Variants in MET observed in about 807,000 individuals in gnomAD.
MET encodes the protein MET proto-oncogene, receptor tyrosine kinase.
Under a neutral mutation model 133.1 loss-of-function variants are expected in MET, and 48 were observed. The ratio of observed to expected loss-of-function variants is 0.36; its 90% CI spans 0.29 to 0.46. MET has a LOEUF of 0.46. Ranked by LOEUF, MET falls within the 20% of genes least tolerant of loss-of-function variation. The probability of loss-of-function intolerance (pLI) is 1.00; values close to 1 mark genes in which losing one functional copy is unlikely to be tolerated. For synonymous variants in MET, 628 were observed against 616.5 expected (o/e 1.02, Z -0.28); for missense variants, 1,442 against 1,695.9 (o/e 0.85, Z 2.63).
intron 1 of MET, among the ~76,000 whole-genome samples, chr7:116,678,364 C>G (rs1312596041): frequency 6.6e-6 from 1 of 152,064 alleles, no homozygotes; most frequent in Non-Finnish European, 1.5e-5. Context: ...TTGAAATGGT[C>G]TCCTACTCCT....
At chr7:116,754,474 A>C (rs749934142) in intron 5 of MET, among the ~76,000 whole-genome samples, 10 of 152,136 alleles carry the variant, frequency 6.6e-5, no homozygotes, top group Admixed American at 5.9e-4. Context: ...TCTGGGCCCA[A>C]CGTGTTTCTA....
intron 1 of MET, among the ~76,000 whole-genome samples, chr7:116,690,311 A>G (rs945297815): frequency 3.3e-5 from 5 of 152,168 alleles, no homozygotes; most frequent in Non-Finnish European, 5.9e-5. Flanking sequence ...TTTTGAATAT[A>G]AGAAACTGAC....
intron 2 of MET, among the ~76,000 whole-genome samples, chr7:116,710,068 G>A (rs1011093720): frequency 1.3e-5 from 2 of 152,146 alleles, no homozygotes; most frequent in Non-Finnish European, 2.9e-5. Flanking sequence ...TATTTCTAAT[G>A]TGAAAAACAC....
chr7:116,775,030 C>A lies in MET; in HGVS notation c.3178C>A (p.Pro1060Thr), dbSNP rs2117031380. The change falls in exon 15 of 21, where the codon CCA becomes ACA. Residue 1060 changes from proline to threonine, a missense_variant. Pro to Thr is a conservative substitution (Grantham distance 38). Around this residue, in one of 6 missense-constraint regions of MET, gnomAD observed 514 missense variants for 659.6 expected, o/e 0.78. Coordinates refer to ENST00000397752, the MANE Select transcript of MET (RefSeq NM_000245.4). ...TVHIDLSALN[P>T]ELVQAVQHVV... ...CCACATTGACCTCAGTGCTCTAAAT[C>A]CAGAGCTGGTCCAGGCAGTGCAGCA... is the stretch of plus-strand genomic sequence containing the variant. The A allele has an allele frequency of 6.2e-7, 1 of 1,614,192 alleles. No individual in the cohort carries two copies. Among genetic ancestry groups the A allele is most frequent in the Non-Finnish European group, 8.5e-7 (1 of 1,180,030 alleles).
chr7:116,740,983 C>T lies in MET; in HGVS notation c.1659C>T (p.Ser553=), dbSNP rs377284387. 3.8e-5 allele frequency: 61 copies of T among 1,613,150 alleles called. No individual in the cohort carries two copies. Among genetic ancestry groups the T allele is most frequent in the East Asian group, 6.7e-5 (3 of 44,850 alleles). ...DKCVRSEECL[S]GTWTQQICLP... ...GTGTGCGATCGGAGGAATGCCTGAG[C>T]GGGACATGGACTCAACAGATCTGTC... is the stretch of plus-strand genomic sequence containing the variant. Residue 553 remains serine (S), a synonymous_variant, in exon 5 of 21, where the codon AGC becomes AGT. Coordinates refer to ENST00000397752, the MANE Select transcript of MET (RefSeq NM_000245.4).
chr7:116,755,237 G>T, intron 5 of MET, 118 bp from the exon 6 acceptor site: 1 of 1,213,162 alleles, frequency 8.2e-7, no homozygotes, highest in South Asian at 1.4e-5. Flanking sequence ...ACTAAATTGT[G>T]GGAAAATGAA....
rs182131737 is a variant in MET at position 116,764,397 on chromosome 7, T to A, written c.2583+1129T>A. ...TAAGCTTTTATCACTTCTTTTTTTTTAATAAAACTAATCTAGTGTGACCTT... is the reference window on the plus strand; with the variant it reads ...TAAGCTTTTATCACTTCTTTTTTTTAAATAAAACTAATCTAGTGTGACCTT... On this transcript the variant is annotated intron_variant, in intron 11 of 20. Transcript: ENST00000397752. Among the ~76,000 whole-genome samples the A allele has an allele frequency of 5.8e-4, 88 of 152,192 alleles. 1 individual carries two copies. Among genetic ancestry groups the A allele is most frequent in the African/African-American group, 2.0e-3 (83 of 41,520 alleles).
intron 2 of MET, among the ~76,000 whole-genome samples, chr7:116,720,073 C>A (rs1792418858): frequency 3.3e-5 from 5 of 152,192 alleles, no homozygotes; most frequent in Admixed American, 1.3e-4. Flanking sequence ...CTATAAATTA[C>A]CTTGGGCAGT....
At chr7:116,679,080 A>G (rs1187920771) in intron 1 of MET, among the ~76,000 whole-genome samples, 2 of 152,188 alleles carry the variant, frequency 1.3e-5, no homozygotes, top group African/African-American at 4.8e-5. Flanking sequence ...CTCAGTTGTA[A>G]TCCTTACTAA....
At chr7:116,788,479 C>T (rs1165754188) in intron 19 of MET, among the ~76,000 whole-genome samples, 2 of 152,252 alleles carry the variant, frequency 1.3e-5, no homozygotes, top group East Asian at 3.9e-4. Flanking sequence ...CCCCACCTCC[C>T]CAACAAACAC....
At chr7:116,690,081 A>T (rs1266977012) in intron 1 of MET, among the ~76,000 whole-genome samples, 2 of 152,160 alleles carry the variant, frequency 1.3e-5, no homozygotes, top group Admixed American at 1.3e-4. Context: ...GTGATGAAAC[A>T]GTCACCAGGT....
At chr7:116,756,883 A>C (rs1336145038) in intron 6 of MET, among the ~76,000 whole-genome samples, 1 of 152,138 alleles carries the variant, frequency 6.6e-6, no homozygotes, top group Admixed American at 6.6e-5. Context: ...TTTATGGATA[A>C]GGTCTGATAT....
intron 11 of MET, among the ~76,000 whole-genome samples, chr7:116,769,299 C>G (rs548683119): frequency 6.6e-6 from 1 of 152,162 alleles, no homozygotes; most frequent in South Asian, 2.1e-4. Flanking sequence ...CTCTACATTG[C>G]GTCTTTTTTG....
intron 17 of MET, among the ~76,000 whole-genome samples, chr7:116,780,158 AT>A (rs1176169561): frequency 1.3e-5 from 2 of 152,048 alleles, no homozygotes; most frequent in Non-Finnish European, 2.9e-5. Context: ...CAAGTGGTAG[AT>A]TTTTTTCTTG....
At chr7:116,709,401 C>T (rs771093041) in intron 2 of MET, among the ~76,000 whole-genome samples, 3 of 152,230 alleles carry the variant, frequency 2.0e-5, no homozygotes, top group Non-Finnish European at 4.4e-5. Flanking sequence ...TGTGTTCACA[C>T]GATAAACAGA....
chr7:116,699,097 G>A lies in MET; in HGVS notation c.13G>A (p.Ala5Thr), dbSNP rs765444467. The A allele has an allele frequency of 2.0e-5, 32 of 1,613,776 alleles. No individual in the cohort carries two copies. The East Asian group carries it at 2.5e-4, about 12-fold the overall frequency. ...TAAACCTCTCATAATGAAGGCCCCC[G>A]CTGTGCTTGCACCTGGCATCCTCGT... MKAPAVLAPGILVLL... is the reference protein window; with the variant it reads MKAPTVLAPGILVLL... Residue 5 changes from alanine (A) to threonine (T), a missense_variant, in exon 2 of 21, where the codon GCT becomes ACT. This residue lies in a region of MET where 762 missense variants were observed against 792.4 expected (regional missense o/e 0.96). Transcript: ENST00000397752.
chr7:116,757,941 T>A (rs1417010955), intron 8 of MET, 167 bp downstream of exon 8: 4 of 716,666 alleles, frequency 5.6e-6, no homozygotes, highest in Non-Finnish European at 9.2e-6. Context: ...CATCTACTCC[T>A]TTTGCTGATT....
chr7:116,712,367 G>A (rs555644251), intron 2 of MET, among the ~76,000 whole-genome samples: 257 of 152,176 alleles, frequency 1.7e-3, no homozygotes, highest in Middle Eastern at 3.4e-3. Context: ...ATCACACTCC[G>A]TGGTAATGTG....
chr7:116,752,893 C>T (rs559713751), intron 5 of MET, among the ~76,000 whole-genome samples: 2 of 152,236 alleles, frequency 1.3e-5, no homozygotes, highest in East Asian at 1.9e-4. Flanking sequence ...TTAGAAGAGC[C>T]GGCAGCAGCT....
Sources: gnomAD v4.1 joint callset for allele counts (sites outside exome capture counted in the v4.1 genomes callset) on GRCh38, gnomAD v4.1.1 for gene constraint, gnomAD v4.1.1 regional missense constraint, MANE v1.5 for transcripts, NCBI Gene and HGNC (gene_info 2026-07-23, HGNC 2026-07-21) for gene names.